STAC: variants seen among roughly 807,000 people sequenced by gnomAD.
STAC encodes SH3 and cysteine rich domain, also known as SH3 and cysteine-rich domain-containing protein.
A neutral mutation model predicts 48.8 loss-of-function variants in STAC; 43 were observed. That is an observed-to-expected ratio of 0.88 (90% CI 0.69 to 1.14). The LOEUF (loss-of-function observed/expected upper bound fraction) is 1.14, where lower values mean the gene tolerates loss of function less well. Among genes scored for constraint, STAC ranks in the 50% most tolerant of loss-of-function variants. The probability of loss-of-function intolerance (pLI) is 0.00; values close to 1 mark genes in which losing one functional copy is unlikely to be tolerated. For missense variants in STAC, 497 were observed against 504.0 expected, an observed-to-expected ratio of 0.99 and a Z score of 0.13; for synonymous variants, 193 against 179.5, an observed-to-expected ratio of 1.07 and a Z score of -0.60.
intron 1 of STAC, among the ~76,000 whole-genome samples, chr3:36,416,111 T>G (rs1451189839): frequency 1.3e-5 from 2 of 152,208 alleles, no homozygotes; most frequent in African/African-American, 4.8e-5. Context: ...AGATGTTAAT[T>G]TGTTCAGTAT....
chr3:36,472,286 G>A (rs1697362489), intron 2 of STAC, among the ~76,000 whole-genome samples: 1 of 152,198 alleles, frequency 6.6e-6, no homozygotes, highest in Non-Finnish European at 1.5e-5. Flanking sequence ...GGGGGCCCTG[G>A]GCCCGGCCCA....
intron 1 of STAC, among the ~76,000 whole-genome samples, chr3:36,408,941 C>A (rs1286539234): frequency 2.0e-5 from 3 of 152,102 alleles, no homozygotes. Flanking sequence ...AATTGTGATA[C>A]CCTCCACAGA....
chr3:36,398,474 AGGAG>A (rs1452063430), intron 1 of STAC, among the ~76,000 whole-genome samples: 9 of 75,196 alleles, frequency 1.2e-4, no homozygotes, highest in South Asian at 4.8e-4. Context: ...GAAGGAAGGA[AGGAG>A]GGAAGGAAGA....
At chr3:36,506,580 T>G (rs1698408592) in intron 8 of STAC, among the ~76,000 whole-genome samples, 1 of 152,240 alleles carries the variant, frequency 6.6e-6, no homozygotes, top group African/African-American at 2.4e-5. Context: ...TTCTTCCATT[T>G]GTTTGTGTCC....
At chr3:36,465,978 A>G (rs1697158636) in intron 2 of STAC, among the ~76,000 whole-genome samples, 2 of 152,230 alleles carry the variant, frequency 1.3e-5, no homozygotes, top group South Asian at 4.2e-4. Context: ...CCTCAATCCA[A>G]TCAAGCTGAC....
At chr3:36,512,685 G>A (rs1025920970) in intron 8 of STAC, among the ~76,000 whole-genome samples, 7 of 152,194 alleles carry the variant, frequency 4.6e-5, no homozygotes, top group African/African-American at 1.7e-4. Context: ...CGAATGAAAC[G>A]TTTACAGTCT....
intron 10 of STAC, among the ~76,000 whole-genome samples, chr3:36,530,580 C>CTT (rs775751742): frequency 9.2e-4 from 94 of 102,698 alleles, no homozygotes; most frequent in African/African-American, 1.6e-3. Flanking sequence ...TTCACCTTTT[C>CTT]TTTTTTTTTT....
At chr3:36,414,789 T>A (rs1402610209) in intron 1 of STAC, among the ~76,000 whole-genome samples, 1 of 152,150 alleles carries the variant, frequency 6.6e-6, no homozygotes, top group East Asian at 1.9e-4. Flanking sequence ...TTTTTCCCCA[T>A]CTTTGTGGTT....
chr3:36,491,878 GT>G (rs1559511935), intron 5 of STAC, among the ~76,000 whole-genome samples: 1 of 149,644 alleles, frequency 6.7e-6, no homozygotes, highest in East Asian at 2.0e-4. Context: ...GCCAGGCATG[GT>G]GGTGCATGCC....
Position 36,526,723 on chromosome 3 carries a change from T to C in STAC, c.921-1973T>C, listed in dbSNP as rs75079551. 1.6e-3 allele frequency among the ~76,000 whole-genome samples: 249 copies of C among 152,276 alleles called. 1 individual carries two copies. The highest frequency in any genetic ancestry group is 5.4e-3 in the African/African-American group (223 of 41,562). ...TGAACTCCAGAATTAAGCCAACACC[T>C]ATACTCTAAAGAAAAAGAACCCATG... is the stretch of plus-strand genomic sequence containing the variant. On this transcript the variant is annotated intron_variant, in intron 8 of 10. Coordinates refer to ENST00000273183, the MANE Select transcript of STAC (RefSeq NM_003149.3).
intron 6 of STAC, 80 bp from the exon 7 acceptor site, chr3:36,504,313 A>C: frequency 7.6e-7 from 1 of 1,320,836 alleles, no homozygotes; most frequent in Non-Finnish European, 1.1e-6. Context: ...TACTTAGAAT[A>C]AATAAAGCCA....
chr3:36,511,098 T>G (rs1335335599), intron 8 of STAC, among the ~76,000 whole-genome samples: 1 of 151,938 alleles, frequency 6.6e-6, no homozygotes, highest in Non-Finnish European at 1.5e-5. Context: ...CCTTGTGACC[T>G]TCTCAAAATC....
intron 8 of STAC, among the ~76,000 whole-genome samples, chr3:36,518,743 G>T (rs910567580): frequency 2.1e-4 from 32 of 152,020 alleles, no homozygotes; most frequent in African/African-American, 7.0e-4. Flanking sequence ...ATCTCTTTGG[G>T]GTATTTTCAA....
rs372071524 is a variant in STAC, at chr3:36,513,864, A to AAG, written c.920+8044_920+8045dup. 1.8e-3 allele frequency among the ~76,000 whole-genome samples: 267 copies of AAG among 150,910 alleles called. 2 individuals carry two copies. Among genetic ancestry groups the AAG allele is most frequent in the African/African-American group, 6.0e-3 (249 of 41,248 alleles). ...AGGGAGCAAAAGGGGGGGAGGGGAG[A>AAG]AGAGAGAGAGAGAGAATATATGAGC... is the stretch of plus-strand genomic sequence containing the variant. On this transcript the variant is annotated intron_variant, in intron 8 of 10. Coordinates refer to ENST00000273183, the MANE Select transcript of STAC (RefSeq NM_003149.3).
At chr3:36,406,303 G>A (rs1394314119) in intron 1 of STAC, among the ~76,000 whole-genome samples, 1 of 152,172 alleles carries the variant, frequency 6.6e-6, no homozygotes, top group African/African-American at 2.4e-5. Flanking sequence ...ATGGGCTAAG[G>A]GAGATGTTAA....
chr3:36,473,263 G>A (rs780059733), intron 2 of STAC, among the ~76,000 whole-genome samples: 9 of 143,186 alleles, frequency 6.3e-5, no homozygotes, highest in African/African-American at 9.1e-5. Flanking sequence ...GGAATTCTGG[G>A]AGATACAATT....
intron 1 of STAC, among the ~76,000 whole-genome samples, chr3:36,384,323 A>G (rs761487315): frequency 1.3e-5 from 2 of 152,136 alleles, no homozygotes; most frequent in Non-Finnish European, 2.9e-5. Context: ...TATCATCAAT[A>G]TCAAAGGTGA....
intron 2 of STAC, among the ~76,000 whole-genome samples, chr3:36,463,336 A>T (rs1697071743): frequency 6.6e-6 from 1 of 152,088 alleles, no homozygotes; most frequent in East Asian, 1.9e-4. Context: ...AGGCTAGTAA[A>T]GTCTTCTCTC....
chr3:36,439,721 T>C (rs1696278585), intron 1 of STAC, among the ~76,000 whole-genome samples: 1 of 152,218 alleles, frequency 6.6e-6, no homozygotes, highest in African/African-American at 2.4e-5. Flanking sequence ...GGGTCTGTAC[T>C]GCTCCTTTGC....
Sources: allele counts gnomAD v4.1 joint callset (sites outside exome capture counted in the v4.1 genomes callset), GRCh38; gene constraint gnomAD v4.1.1; transcripts MANE v1.5; gene names NCBI Gene and HGNC (gene_info 2026-07-23, HGNC 2026-07-21).